Variants in GNA15 observed in about 807,000 individuals in gnomAD.
The protein encoded by GNA15 is guanine nucleotide-binding protein subunit alpha-15.
Under a neutral mutation model 40.1 loss-of-function variants are expected in GNA15, and 23 were observed. The observed-to-expected ratio is 0.57, with a 90% CI of 0.41 to 0.81. The LOEUF (loss-of-function observed/expected upper bound fraction) is 0.81. GNA15 is among the 40% of genes least tolerant of loss of function. GNA15 has a pLI of 0.00. For synonymous variants in GNA15, 226 were observed against 210.4 expected (o/e 1.07, Z -0.64); for missense variants, 522 against 515.8 (o/e 1.01, Z -0.12).
chr19:3,136,456 C>G lies in GNA15; in HGVS notation c.6C>G (p.Ala2=). The change falls in exon 1 of 7, where the codon GCC becomes GCG. Residue 2 remains alanine, a synonymous_variant. Transcript: ENST00000262958. The surrounding 1 kb of genome is among the most constrained non-coding windows in gnomAD (Gnocchi z 4.9). M[A]RSLTWRCCPW... ...CCGACTGAGGCCACCGCACCATGGC[C>G]CGCTCGCTGACCTGGCGCTGCTGCC... 8 of 1,549,320 alleles carry G rather than the reference C, an allele frequency of 5.2e-6. No homozygotes were observed. Among genetic ancestry groups the G allele is most frequent in the Non-Finnish European group, 7.0e-6 (8 of 1,147,060 alleles).
intron 1 of GNA15, among the ~76,000 whole-genome samples, chr19:3,138,466 C>T (rs865784795): frequency 3.3e-5 from 5 of 152,228 alleles, no homozygotes; most frequent in African/African-American, 9.6e-5. Context: ...TTGTCTGCCC[C>T]GGGCAAAGAG....
chr19:3,136,461 C>T lies in GNA15; in HGVS notation c.11C>T (p.Ser4Leu), dbSNP rs1359117471. The T allele has an allele frequency of 4.5e-6, 7 of 1,549,938 alleles. No homozygotes were observed. The highest frequency in any genetic ancestry group is 1.2e-5 in the South Asian group (1 of 84,026). The change falls in exon 1 of 7, where the codon TCG (serine) becomes TTG (leucine). Residue 4 changes from serine (S) to leucine (L), a missense_variant. By Grantham distance (145) the Ser-to-Leu change is moderately radical. Transcript: ENST00000262958. This position sits in a 1 kb window ranked among gnomAD's most constrained non-coding sequence, Gnocchi z 4.9. ...TGAGGCCACCGCACCATGGCCCGCTCGCTGACCTGGCGCTGCTGCCCCTGG... is the reference window on the plus strand; with the variant it reads ...TGAGGCCACCGCACCATGGCCCGCTTGCTGACCTGGCGCTGCTGCCCCTGG... MAR[S>L]LTWRCCPWCL...
At chr19:3,150,599 ACT>A (rs910815714) in intron 3 of GNA15, among the ~76,000 whole-genome samples, 1 of 151,466 alleles carries the variant, frequency 6.6e-6, no homozygotes, top group South Asian at 2.1e-4. Context: ...TCTAGGAGTG[ACT>A]CTGTTCCTGA....
chr19:3,137,603 G>T (rs577568300), intron 1 of GNA15, among the ~76,000 whole-genome samples: 13 of 152,136 alleles, frequency 8.5e-5, no homozygotes, highest in African/African-American at 2.9e-4. Context: ...CCAACACGGT[G>T]AAACCCCATC....
intron 1 of GNA15, among the ~76,000 whole-genome samples, chr19:3,143,440 C>T (rs1914624389): frequency 6.6e-6 from 1 of 151,796 alleles, no homozygotes; most frequent in Non-Finnish European, 1.5e-5. Context: ...TCCCTTGAGG[C>T]CAGGAGTTCG....
rs1599328731 is a variant in GNA15 at position 3,155,612 on chromosome 19, G to A, written c.615-211G>A. Among the ~76,000 whole-genome samples, 3 of 152,174 alleles carry A rather than the reference G, an allele frequency of 2.0e-5. No individual in the cohort carries two copies. Among genetic ancestry groups the A allele is most frequent in the South Asian group, 4.1e-4 (2 of 4,832 alleles). ...ACAGTAGAAGCTTGGGAAAGTCCCC[G>A]CTCCTCCCTGGATCTCAGGCTTCTC... On this transcript the variant is annotated intron_variant, in intron 4 of 6. Transcript: ENST00000262958. This position sits in a 1 kb window ranked among gnomAD's most constrained non-coding sequence, Gnocchi z 5.6.
At chr19:3,149,327 TC>T (rs1315063706) in intron 2 of GNA15, 1 of 154,306 alleles carries the variant, frequency 6.5e-6, no homozygotes, top group Admixed American at 6.3e-5. Context: ...GCATGCAAAT[TC>T]CCACATGCAC....
At chr19:3,145,359 A>ATATATATACT in intron 1 of GNA15, among the ~76,000 whole-genome samples, 3 of 46,972 alleles carry the variant, frequency 6.4e-5, no homozygotes, top group African/African-American at 2.8e-4. Flanking sequence ...ATATATATAT[A>ATATATATACT]TTTTTTTTTT....
intron 1 of GNA15, among the ~76,000 whole-genome samples, chr19:3,143,613 A>C (rs990665298): frequency 3.3e-5 from 5 of 152,128 alleles, no homozygotes; most frequent in Non-Finnish European, 7.4e-5. Context: ...ATATCAAGCC[A>C]CTGCACTCTA....
chr19:3,144,772 C>T (rs1289907138), intron 1 of GNA15, among the ~76,000 whole-genome samples: 1 of 151,588 alleles, frequency 6.6e-6, no homozygotes, highest in East Asian at 1.9e-4. Context: ...TCGTGATCCG[C>T]CCGCCTTGGC....
At position 3,151,771 on chromosome 19, in the gene GNA15, C is replaced by T. The variant is rs761338145; in HGVS notation, c.550C>T (p.Arg184Cys). 1.4e-5 allele frequency: 23 copies of T among 1,612,660 alleles called. No individual in the cohort carries two copies. Among genetic ancestry groups the T allele is most frequent in the Admixed American group, 3.3e-5 (2 of 59,964 alleles). ...GYVPTAQDVL[R>C]SRMPTTGINE... The stretch of plus-strand genomic sequence containing the variant: ...CGTCCCCACAGCTCAGGACGTGCTC[C>T]GCAGCCGCATGCCCACCACTGGCAT... The change falls in exon 4 of 7, where the codon CGC becomes TGC. Residue 184 changes from arginine to cysteine, a missense_variant. Arg to Cys is a radical substitution (Grantham distance 180, BLOSUM62 -3). Coordinates refer to ENST00000262958, the MANE Select transcript of GNA15 (RefSeq NM_002068.4). This position sits in a 1 kb window ranked among gnomAD's most constrained non-coding sequence, Gnocchi z 5.0.
intron 1 of GNA15, among the ~76,000 whole-genome samples, chr19:3,144,620 C>T (rs568579550): frequency 2.6e-5 from 4 of 151,728 alleles, no homozygotes; most frequent in South Asian, 2.1e-4. Context: ...GCTCCGCCTC[C>T]CCGGTTCACG....
At chr19:3,153,335 G>A (rs1914925520) in intron 4 of GNA15, among the ~76,000 whole-genome samples, 1 of 151,890 alleles carries the variant, frequency 6.6e-6, no homozygotes, top group African/African-American at 2.4e-5. Context: ...ATAGATGGAT[G>A]GATAAGTTGA....
At chr19:3,148,993 A>G (rs1914806748) in intron 2 of GNA15, 1 of 566,108 alleles carries the variant, frequency 1.8e-6, no homozygotes, top group Admixed American at 3.2e-5. Flanking sequence ...ATAAATGCAC[A>G]CACGCACATG....
chr19:3,152,782 C>T (rs1241376755), intron 4 of GNA15, among the ~76,000 whole-genome samples: 2 of 152,062 alleles, frequency 1.3e-5, no homozygotes, highest in Non-Finnish European at 2.9e-5. Flanking sequence ...CCCTATTTGG[C>T]CTTCCTTTCC....
At chr19:3,148,535 G>A in intron 1 of GNA15, 56 bp from the exon 2 acceptor site, 1 of 1,479,950 alleles carries the variant, frequency 6.8e-7, no homozygotes, top group South Asian at 1.3e-5. Flanking sequence ...GGGGTTGGGG[G>A]TGTCGGGGGT....
intron 1 of GNA15, among the ~76,000 whole-genome samples, chr19:3,143,574 A>T (rs900143967): frequency 6.6e-6 from 1 of 151,676 alleles, no homozygotes; most frequent in African/African-American, 2.4e-5. Flanking sequence ...ATCGCTTGAA[A>T]CCCATGAGGT....
chr19:3,136,703 T>C lies in GNA15; in HGVS notation c.145+108T>C. 1.0e-6 allele frequency: 1 copy of C among 976,698 alleles called. No homozygotes were observed. The highest frequency in any genetic ancestry group is 1.6e-5 in the African/African-American group (1 of 60,800). 60.5% of individuals were successfully genotyped at this position (976,698 alleles called of 1,614,324 possible). ...CAGGCTAGGTCAGACATTGGCATCG[T>C]GGAGCCGTCGCCTCCTCCCAGGGAA... On this transcript the variant is annotated intron_variant, in intron 1 of 6. Transcript: ENST00000262958. This position sits in a 1 kb window ranked among gnomAD's most constrained non-coding sequence, Gnocchi z 4.9.
In GNA15 at chr19:3,155,710, C is replaced by A; in HGVS notation, c.615-113C>A. 2.5e-6 allele frequency: 3 copies of A among 1,224,010 alleles called. No individual in the cohort carries two copies. The highest frequency in any genetic ancestry group is 2.0e-4 in the Middle Eastern group (1 of 4,992). The allele number at this position is 1,224,010 out of a possible 1,614,324, so 75.8% of individuals were successfully genotyped here. On this transcript the variant is annotated intron_variant, in intron 4 of 6. Transcript: ENST00000262958. The surrounding 1 kb of genome is among the most constrained non-coding windows in gnomAD (Gnocchi z 5.6). Reference sequence around the variant, plus strand: ...TGGCAAATCCACGAGAGGCTAGCACCTATTCTTGCTGTCGCTATTATGGAT... The same window carrying A: ...TGGCAAATCCACGAGAGGCTAGCACATATTCTTGCTGTCGCTATTATGGAT...
Sources: gnomAD v4.1 joint callset for allele counts (sites outside exome capture counted in the v4.1 genomes callset) on GRCh38, gnomAD v4.1.1 for gene constraint, Gnocchi (gnomAD v3.1) non-coding constraint, MANE v1.5 for transcripts, NCBI Gene and HGNC (gene_info 2026-07-23, HGNC 2026-07-21) for gene names.